The following ASIC2 variants were observed in gnomAD, a reference collection of about 807,000 sequenced individuals.
ASIC2 encodes acid-sensing ion channel 2.
A neutral mutation model predicts 57.3 loss-of-function variants in ASIC2; 25 were observed. The ratio of observed to expected loss-of-function variants is 0.44; its 90% CI spans 0.32 to 0.61. The LOEUF is 0.61. Ranked by LOEUF, ASIC2 falls within the 20% of genes least tolerant of loss-of-function variation. The probability of loss-of-function intolerance (pLI) is 0.06; values close to 1 mark genes in which losing one functional copy is unlikely to be tolerated. For missense variants in ASIC2, 641 were observed against 738.1 expected, an observed-to-expected ratio of 0.87 and a Z score of 1.52; for synonymous variants, 319 against 307.5, an observed-to-expected ratio of 1.04 and a Z score of -0.39.
At chr17:33,799,710 A>G (rs1452304244) in intron 1 of ASIC2, among the ~76,000 whole-genome samples, 2 of 151,460 alleles carry the variant, frequency 1.3e-5, no homozygotes, top group African/African-American at 4.9e-5. Context: ...CTGCTCTGTC[A>G]TGAAGAAAAC....
At chr17:33,648,063 C>T (rs941822039) in intron 1 of ASIC2, among the ~76,000 whole-genome samples, 1 of 152,196 alleles carries the variant, frequency 6.6e-6, no homozygotes, top group Non-Finnish European at 1.5e-5. Flanking sequence ...AGATGTATTT[C>T]TTAACTGTCT....
chr17:33,824,173 C>T (rs1179179942), intron 1 of ASIC2, among the ~76,000 whole-genome samples: 1 of 152,110 alleles, frequency 6.6e-6, no homozygotes, highest in Non-Finnish European at 1.5e-5. Context: ...AAACAGACTA[C>T]CTGAGATAAA....
intron 1 of ASIC2, among the ~76,000 whole-genome samples, chr17:33,597,232 A>G (rs1278528459): frequency 1.3e-5 from 2 of 152,206 alleles, no homozygotes; most frequent in African/African-American, 4.8e-5. Context: ...TGGACATCTC[A>G]TGAGTCTTTG....
intron 3 of ASIC2, among the ~76,000 whole-genome samples, chr17:33,039,765 C>A (rs1204913013): frequency 2.6e-5 from 4 of 152,146 alleles, no homozygotes; most frequent in Admixed American, 2.6e-4. Context: ...CAGAGCAAAG[C>A]AAAACCTTCC....
intron 1 of ASIC2, among the ~76,000 whole-genome samples, chr17:33,797,098 CA>C (rs1436039063): frequency 6.6e-6 from 1 of 152,168 alleles, no homozygotes; most frequent in East Asian, 1.9e-4. Context: ...CACTCAGTGC[CA>C]TAGTTTCACC....
intron 1 of ASIC2, among the ~76,000 whole-genome samples, chr17:33,402,375 C>A (rs1006988724): frequency 2.0e-5 from 3 of 152,064 alleles, no homozygotes; most frequent in African/African-American, 7.2e-5. Context: ...TTTGCTGCAC[C>A]TATCAACCCA....
At chr17:33,472,331 T>C (rs1307255868) in intron 1 of ASIC2, among the ~76,000 whole-genome samples, 1 of 152,170 alleles carries the variant, frequency 6.6e-6, no homozygotes, top group African/African-American at 2.4e-5. Context: ...CACCAGGGAC[T>C]TTTTAACAGG....
intron 3 of ASIC2, among the ~76,000 whole-genome samples, chr17:33,056,590 G>A (rs2091999046): frequency 6.6e-6 from 1 of 152,154 alleles, no homozygotes; most frequent in South Asian, 2.1e-4. Flanking sequence ...TAATGTGCTG[G>A]GTGTTCAGGG....
At chr17:33,884,194 G>A (rs924664056) in intron 1 of ASIC2, among the ~76,000 whole-genome samples, 5 of 152,128 alleles carry the variant, frequency 3.3e-5, no homozygotes, top group Non-Finnish European at 7.4e-5. Flanking sequence ...GTGGCCAGTG[G>A]GAGATTAGAA....
chr17:33,019,396 G>A (rs2091824700), intron 7 of ASIC2, among the ~76,000 whole-genome samples: 1 of 152,050 alleles, frequency 6.6e-6, no homozygotes, highest in East Asian at 1.9e-4. Flanking sequence ...GGGGCTGTGT[G>A]CATGGATGTG....
Position 33,668,232 on chromosome 17 carries a change from G to A in ASIC2, c.555+487746C>T, listed in dbSNP as rs146372017. Among the ~76,000 whole-genome samples, 504 of 145,526 alleles carry A rather than the reference G, an allele frequency of 3.5e-3. 1 individual carries two copies. Among genetic ancestry groups the A allele is most frequent in the African/African-American group, 0.012 (479 of 39,450 alleles). Reference sequence around the variant, plus strand: ...ACAAGCTCCCCTTCTCCATTCTTTGGCCATTGAATAAAATCTGATTGCTTC... The same window carrying A: ...ACAAGCTCCCCTTCTCCATTCTTTGACCATTGAATAAAATCTGATTGCTTC... On this transcript the variant is annotated intron_variant, in intron 1 of 9. Transcript: ENST00000359872.
In ASIC2 at chr17:33,292,216, G is replaced by T. The variant is rs1396319354; in HGVS notation, c.-101C>A. The T allele has an allele frequency of 4.0e-6, 4 of 1,001,354 alleles. No individual in the cohort carries two copies. Among genetic ancestry groups the T allele is most frequent in the Admixed American group, 1.2e-4 (2 of 16,684 alleles). The allele number at this position is 1,001,354 out of a possible 1,614,324, so 62.0% of individuals were successfully genotyped here. A position where few individuals can be genotyped will look rare whatever the true frequency, so the allele number is the denominator to read the frequency against. ...TGGAAGCAGCAGCAGCGGCAGCCGC[G>T]CGCAGCCCGCGCCAGGGAAGCGTGC... On this transcript the variant is annotated 5_prime_UTR_variant, in exon 1 of 10. Coordinates refer to ENST00000225823, the MANE Select transcript of ASIC2 (RefSeq NM_183377.2).
intron 1 of ASIC2, among the ~76,000 whole-genome samples, chr17:33,774,218 T>G (rs1057051266): frequency 7.9e-5 from 12 of 152,188 alleles, no homozygotes; most frequent in Non-Finnish European, 1.8e-4. Flanking sequence ...CAGAATCGCT[T>G]TTCTCTCATG....
At chr17:33,315,284 A>T (rs1278515229) in intron 1 of ASIC2, among the ~76,000 whole-genome samples, 2 of 152,212 alleles carry the variant, frequency 1.3e-5, no homozygotes, top group African/African-American at 4.8e-5. Flanking sequence ...CTGCAAGCAC[A>T]TCTCAAACAG....
intron 2 of ASIC2, among the ~76,000 whole-genome samples, chr17:33,109,211 C>A (rs528620588): frequency 2.0e-5 from 3 of 152,290 alleles, no homozygotes; most frequent in East Asian, 1.9e-4. Context: ...TTCATGTAAG[C>A]AAACACCACC....
chr17:33,925,435 CA>C (rs1222066277), intron 1 of ASIC2, among the ~76,000 whole-genome samples: 7 of 152,342 alleles, frequency 4.6e-5, no homozygotes, highest in African/African-American at 1.7e-4. Flanking sequence ...GAGAAGGCCA[CA>C]TAGAGCTTCT....
chr17:33,962,575 C>T (rs541363904), intron 1 of ASIC2, among the ~76,000 whole-genome samples: 10 of 152,234 alleles, frequency 6.6e-5, no homozygotes, highest in African/African-American at 2.4e-4. Flanking sequence ...GTTATCATTT[C>T]GGGTCAGGAA....
intron 1 of ASIC2, among the ~76,000 whole-genome samples, chr17:33,738,194 C>A (rs866558974): frequency 7.2e-5 from 11 of 152,114 alleles, no homozygotes; most frequent in Admixed American, 6.5e-5. Flanking sequence ...AACATCTGGT[C>A]CATATTGCCA....
intron 1 of ASIC2, among the ~76,000 whole-genome samples, chr17:33,402,777 A>G (rs1042079076): frequency 4.6e-5 from 7 of 152,160 alleles, no homozygotes; most frequent in African/African-American, 1.7e-4. Context: ...TAATAGAATG[A>G]TTTATATTCC....
Sources: allele counts gnomAD v4.1 joint callset (sites outside exome capture counted in the v4.1 genomes callset), GRCh38; gene constraint gnomAD v4.1.1; transcripts MANE v1.5; gene names NCBI Gene and HGNC (gene_info 2026-07-23, HGNC 2026-07-21).